Variants in NUP62 observed in about 807,000 individuals in gnomAD.
NUP62 encodes nuclear pore glycoprotein p62.
For synonymous variants in NUP62, 305 were observed against 303.4 expected (o/e 1.01, Z -0.05); for missense variants, 647 against 689.4 (o/e 0.94, Z 0.69).
intron 2 of NUP62, among the ~76,000 whole-genome samples, chr19:49,922,039 G>T: frequency 6.6e-6 from 1 of 152,154 alleles, no homozygotes; most frequent in East Asian, 1.9e-4. Flanking sequence ...CCTGAATCAC[G>T]CCTCAACACA....
At chr19:49,928,265 C>T (rs564210028) in intron 1 of NUP62, 1 of 152,328 alleles carries the variant, frequency 6.6e-6, no homozygotes, top group African/African-American at 2.4e-5. Flanking sequence ...CGCCTGTAAT[C>T]CCAGCACTTT....
chr19:49,918,818 A>G (rs1427637745), intron 2 of NUP62, among the ~76,000 whole-genome samples: 1 of 144,576 alleles, frequency 6.9e-6, no homozygotes, highest in Admixed American at 7.3e-5. Context: ...ACCCAGTGAC[A>G]TTGGTGGGCA....
At chr19:49,922,096 A>T (rs2075778731) in intron 2 of NUP62, among the ~76,000 whole-genome samples, 1 of 152,056 alleles carries the variant, frequency 6.6e-6, no homozygotes, top group East Asian at 1.9e-4. Context: ...ACCCCTCCTG[A>T]CTCAGAGCTG....
chr19:49,924,753 G>A, intron 2 of NUP62, among the ~76,000 whole-genome samples: 1 of 152,218 alleles, frequency 6.6e-6, no homozygotes, highest in Admixed American at 6.5e-5. Flanking sequence ...GGCTGGGAGG[G>A]GCTGGAGAGC....
chr19:49,926,491 C>CT (rs2075893523), intron 2 of NUP62, among the ~76,000 whole-genome samples: 1 of 152,124 alleles, frequency 6.6e-6, no homozygotes, highest in African/African-American at 2.4e-5. Flanking sequence ...GATCATGCCA[C>CT]TGCACTCCAG....
chr19:49,928,444 G>C (rs1405568608), intron 1 of NUP62: 2 of 152,004 alleles, frequency 1.3e-5, no homozygotes, highest in Non-Finnish European at 2.9e-5. Context: ...GTGAACCTGG[G>C]AGGCGGAGTT....
chr19:49,910,907 G>A (rs1322147262), intron 2 of NUP62, among the ~76,000 whole-genome samples: 1 of 152,086 alleles, frequency 6.6e-6, no homozygotes, highest in East Asian at 1.9e-4. Context: ...AATAGGGGTG[G>A]TTTCTTTTTC....
At chr19:49,920,726 T>C (rs2122722006) in intron 2 of NUP62, among the ~76,000 whole-genome samples, 1 of 152,296 alleles carries the variant, frequency 6.6e-6, no homozygotes, top group Non-Finnish European at 1.5e-5. Flanking sequence ...GGGAAGAGCC[T>C]AGAGCTGAAA....
intron 2 of NUP62, among the ~76,000 whole-genome samples, chr19:49,920,599 G>C (rs955216620): frequency 1.3e-5 from 2 of 152,238 alleles, no homozygotes; most frequent in Non-Finnish European, 2.9e-5. Flanking sequence ...TGTGGAGGCG[G>C]ATAGGCGTCA....
chr19:49,911,176 A>C (rs192207426), intron 2 of NUP62: 2 of 152,374 alleles, frequency 1.3e-5, no homozygotes, highest in African/African-American at 4.8e-5. Flanking sequence ...TGCCAGGACT[A>C]CAGGCGTGAG....
intron 2 of NUP62, among the ~76,000 whole-genome samples, chr19:49,920,502 G>A (rs1203385814): frequency 6.6e-6 from 1 of 152,210 alleles, no homozygotes; most frequent in Non-Finnish European, 1.5e-5. Flanking sequence ...GGATTATACA[G>A]TATCTCAATA....
At position 49,921,077 on chromosome 19, in the gene NUP62, G is replaced by A. The variant is rs574473888; in HGVS notation, c.-78+6617C>T. 2.4e-4 allele frequency among the ~76,000 whole-genome samples: 36 copies of A among 152,240 alleles called. No homozygotes were observed. The highest frequency in any genetic ancestry group is 8.4e-4 in the African/African-American group (35 of 41,528). On this transcript the variant is annotated intron_variant, in intron 2 of 2. Coordinates refer to ENST00000352066, the MANE Select transcript of NUP62 (RefSeq NM_016553.5). The surrounding 1 kb of genome is among the most constrained non-coding windows in gnomAD (Gnocchi z 5.4). The stretch of plus-strand genomic sequence containing the variant: ...AAACACAGCCCCTTCCTGCCTCGGC[G>A]GACATCTCCACACCCACATTTCATG...
rs540591413 is a variant in NUP62, at chr19:49,923,457, G to A, written c.-78+4237C>T. Among the ~76,000 whole-genome samples the A allele has an allele frequency of 6.8e-4, 104 of 152,342 alleles. 2 individuals are homozygous for A. Among genetic ancestry groups the A allele is most frequent in the Middle Eastern group, 3.4e-3 (1 of 294 alleles). On this transcript the variant is annotated intron_variant, in intron 2 of 2. Transcript: ENST00000352066. The stretch of plus-strand genomic sequence containing the variant: ...TGAGGAGGGCCCTGACTTTGCCCTC[G>A]AAGCGTTCGGGGGAGCAGTCACGTA...
At chr19:49,912,019 C>T (rs1452708314) in intron 2 of NUP62, among the ~76,000 whole-genome samples, 2 of 152,202 alleles carry the variant, frequency 1.3e-5, no homozygotes, top group Non-Finnish European at 2.9e-5. Flanking sequence ...TCTCAGTTCT[C>T]AAGAACTCAG....
chr19:49,921,866 C>T lies in NUP62; in HGVS notation c.-78+5828G>A, dbSNP rs372225780. ...TAGGAACCACATATCCTGGGCCAGA[C>T]GAATGCAGGAGCTGCCTCCTCTGGA... On this transcript the variant is annotated intron_variant, in intron 2 of 2. Transcript: ENST00000352066. The surrounding 1 kb of genome is among the most constrained non-coding windows in gnomAD (Gnocchi z 5.4). Among the ~76,000 whole-genome samples, 2 of 152,184 alleles carry T rather than the reference C, an allele frequency of 1.3e-5. No individual in the cohort carries two copies. The highest frequency in any genetic ancestry group is 4.8e-5 in the African/African-American group (2 of 41,444).
At chr19:49,910,026 G>A (rs1456928775) in intron 2 of NUP62, 142 bp from the exon 3 acceptor site, 5 of 634,192 alleles carry the variant, frequency 7.9e-6, no homozygotes, top group Admixed American at 2.3e-5. Context: ...CTGCTACATC[G>A]AGAAGGATCC....
intron 2 of NUP62, among the ~76,000 whole-genome samples, chr19:49,914,868 T>A (rs1436474514): frequency 1.3e-5 from 2 of 149,552 alleles, no homozygotes; most frequent in Non-Finnish European, 3.0e-5. Flanking sequence ...GCCTCCCGAG[T>A]AGCTGGGATT....
At chr19:49,914,155 AAAC>A (rs2075558242) in intron 2 of NUP62, among the ~76,000 whole-genome samples, 1 of 152,180 alleles carries the variant, frequency 6.6e-6, no homozygotes, top group Non-Finnish European at 1.5e-5. Flanking sequence ...TTGAGGCAAA[AAAC>A]AAAAAACAAA....
Position 49,909,312 on chromosome 19 carries a change from C to T in NUP62, c.496G>A (p.Ala166Thr). ...CCAATGTTGAAACCGGAGGGTTGGG[C>T]CGTGCTTCCACCAGTGAATGAGAAG... ...GGFSFTGGSTAQPSGFNIGSA... is the reference protein window; with the variant it reads ...GGFSFTGGSTTQPSGFNIGSA... Residue 166 changes from alanine to threonine, a missense_variant, in exon 3 of 3, where the codon GCC becomes ACC. Coordinates refer to ENST00000352066, the MANE Select transcript of NUP62 (RefSeq NM_016553.5). 1 of 1,613,938 alleles carries T rather than the reference C, an allele frequency of 6.2e-7. No homozygotes were observed. The highest frequency in any genetic ancestry group is 8.5e-7 in the Non-Finnish European group (1 of 1,180,008).
Sources: gnomAD v4.1 joint callset for allele counts (sites outside exome capture counted in the v4.1 genomes callset) on GRCh38, gnomAD v4.1.1 for gene constraint, Gnocchi (gnomAD v3.1) non-coding constraint, MANE v1.5 for transcripts, NCBI Gene and HGNC (gene_info 2026-07-23, HGNC 2026-07-21) for gene names.